The following MACROD2 variants were observed in gnomAD, a reference collection of about 807,000 sequenced individuals.
The protein encoded by MACROD2 is ADP-ribose glycohydrolase MACROD2.
Under a neutral mutation model 70.4 loss-of-function variants are expected in MACROD2, and 36 were observed. That is an observed-to-expected ratio of 0.51 (90% CI 0.39 to 0.68). The LOEUF is 0.68. MACROD2 is among the 30% of genes least tolerant of loss of function. The pLI is 0.00. For synonymous variants in MACROD2, 172 were observed against 178.8 expected (o/e 0.96, Z 0.30); for missense variants, 496 against 538.4 (o/e 0.92, Z 0.78).
chr20:15,170,852 A>C (rs2076417399), intron 5 of MACROD2, among the ~76,000 whole-genome samples: 1 of 152,232 alleles, frequency 6.6e-6, no homozygotes, highest in East Asian at 1.9e-4. Context: ...CAAGTGTTCC[A>C]GCATTAACAT....
chr20:14,638,123 A>G (rs1374263637), intron 4 of MACROD2, among the ~76,000 whole-genome samples: 15 of 152,096 alleles, frequency 9.9e-5, no homozygotes, highest in Non-Finnish European at 1.9e-4. Flanking sequence ...TTGGAAATCT[A>G]TAATGGGATT....
At chr20:16,046,038 TC>T (rs2067375826) in intron 17 of MACROD2, among the ~76,000 whole-genome samples, 1 of 152,148 alleles carries the variant, frequency 6.6e-6, no homozygotes, top group Admixed American at 6.6e-5. Context: ...TCATGGGTCA[TC>T]TAGTGTAAGG....
chr20:14,652,067 A>G (rs1470883243), intron 4 of MACROD2, among the ~76,000 whole-genome samples: 2 of 152,212 alleles, frequency 1.3e-5, no homozygotes, highest in African/African-American at 4.8e-5. Flanking sequence ...CAGGGCAAAG[A>G]GATACCCAAC....
rs1246168707 is a variant in MACROD2 at position 15,559,795 on chromosome 20, C to A, written c.645+59948C>A. Among the ~76,000 whole-genome samples the A allele has an allele frequency of 2.0e-5, 3 of 152,136 alleles. No homozygotes were observed. The South Asian group carries it at 6.2e-4, about 32-fold the overall frequency. On this transcript the variant is annotated intron_variant, in intron 8 of 17. Coordinates refer to ENST00000684519, the MANE Select transcript of MACROD2 (RefSeq NM_001351661.2). ...TTCTCTGCCTGTCTGTCCTGAAAAC[C>A]CAATTCTCAACAATCTATAGGTCCA...
intron 3 of MACROD2, among the ~76,000 whole-genome samples, chr20:14,245,224 G>A (rs942585051): frequency 1.1e-4 from 17 of 151,994 alleles, no homozygotes; most frequent in Non-Finnish European, 1.6e-4. Context: ...TCAGCCGGGC[G>A]TGGTGGCGGG....
chr20:14,476,417 G>A (rs139849413), intron 3 of MACROD2, among the ~76,000 whole-genome samples: 42 of 152,216 alleles, frequency 2.8e-4, no homozygotes, highest in Middle Eastern at 3.4e-3. Flanking sequence ...GTACAGTGGC[G>A]CAATCTCAGC....
chr20:14,211,582 G>T (rs530239196), intron 3 of MACROD2, among the ~76,000 whole-genome samples: 1 of 152,296 alleles, frequency 6.6e-6, no homozygotes, highest in South Asian at 2.1e-4. Context: ...TGATAGTATA[G>T]ATTGTAAGTA....
At chr20:15,178,605 G>T (rs989931412) in intron 5 of MACROD2, among the ~76,000 whole-genome samples, 1 of 152,134 alleles carries the variant, frequency 6.6e-6, no homozygotes. Context: ...CTGAAAATGG[G>T]ATCTGATGTC....
At chr20:14,210,871 A>T (rs1476975550) in intron 3 of MACROD2, among the ~76,000 whole-genome samples, 1 of 152,192 alleles carries the variant, frequency 6.6e-6, no homozygotes, top group Admixed American at 6.5e-5. Context: ...TGATTGGCTG[A>T]TTGGCGACTC....
chr20:14,015,221 T>G (rs1033524771), intron 2 of MACROD2, among the ~76,000 whole-genome samples: 1 of 152,340 alleles, frequency 6.6e-6, no homozygotes, highest in East Asian at 1.9e-4. Context: ...TTAGTGACAT[T>G]GAGTACATTC....
chr20:14,386,528 T>C (rs1016255835), intron 3 of MACROD2, among the ~76,000 whole-genome samples: 5 of 152,218 alleles, frequency 3.3e-5, no homozygotes, highest in Non-Finnish European at 5.9e-5. Context: ...TAGTCAAAAG[T>C]GAACCCTCGC....
Position 15,984,094 on chromosome 20 carries a change from C to T in MACROD2, c.986-2633C>T, listed in dbSNP as rs567050110. ...ATTTATCTAATTTTTTATGTTTGAC[C>T]ATAAGGTAAGATTTTATAGACTTTT... is the stretch of plus-strand genomic sequence containing the variant. On this transcript the variant is annotated intron_variant, in intron 13 of 17. Transcript: ENST00000684519. Among the ~76,000 whole-genome samples, 31 of 148,760 alleles carry T rather than the reference C, an allele frequency of 2.1e-4. 3 individuals carry two copies. The highest frequency in any genetic ancestry group is 6.8e-3 in the Middle Eastern group (2 of 292).
intron 3 of MACROD2, among the ~76,000 whole-genome samples, chr20:14,303,276 C>T (rs2082491952): frequency 6.7e-6 from 1 of 149,570 alleles, no homozygotes; most frequent in African/African-American, 2.4e-5. Context: ...CAGCAAGCAA[C>T]AGCTGAGGGG....
chr20:14,585,004 G>T (rs1981278787), intron 4 of MACROD2, among the ~76,000 whole-genome samples: 1 of 152,104 alleles, frequency 6.6e-6, no homozygotes, highest in Non-Finnish European at 1.5e-5. Flanking sequence ...AACAAAGTTG[G>T]TCTAAGGTCC....
chr20:14,327,324 T>C, intron 3 of MACROD2: 1 of 1,613,838 alleles, frequency 6.2e-7, no homozygotes. Flanking sequence ...GGTAGAGAGT[T>C]GTAGCATCCT....
intron 5 of MACROD2, among the ~76,000 whole-genome samples, chr20:14,925,889 C>G (rs1481826308): frequency 3.9e-5 from 6 of 152,050 alleles, no homozygotes; most frequent in Non-Finnish European, 7.3e-5. Context: ...TGGCCTGGCT[C>G]GCAGGGACTT....
At chr20:15,081,257 C>T (rs984754853) in intron 5 of MACROD2, among the ~76,000 whole-genome samples, 1 of 152,136 alleles carries the variant, frequency 6.6e-6, no homozygotes, top group Non-Finnish European at 1.5e-5. Flanking sequence ...CAGCCATGCT[C>T]ATTTGTTTAC....
chr20:15,426,211 A>AG (rs1468793906), intron 6 of MACROD2, among the ~76,000 whole-genome samples: 2 of 152,166 alleles, frequency 1.3e-5, no homozygotes, highest in Non-Finnish European at 2.9e-5. Context: ...TAAAAAAAAA[A>AG]AAAAAAAAGG....
intron 3 of MACROD2, among the ~76,000 whole-genome samples, chr20:14,362,851 TGTA>T (rs1437313149): frequency 1.3e-5 from 2 of 152,136 alleles, no homozygotes; most frequent in African/African-American, 4.8e-5. Context: ...AATAGTAAAA[TGTA>T]GTAAGATAGG....
Sources: gnomAD v4.1 joint callset for allele counts (sites outside exome capture counted in the v4.1 genomes callset) on GRCh38, gnomAD v4.1.1 for gene constraint, MANE v1.5 for transcripts, NCBI Gene and HGNC (gene_info 2026-07-23, HGNC 2026-07-21) for gene names.